Variants in ZFAND6 observed in about 807,000 individuals in gnomAD.
ZFAND6 encodes the protein zinc finger AN1-type containing 6.
In ZFAND6, 12 loss-of-function variants were observed where a neutral mutation model predicts 24.5. The ratio of observed to expected loss-of-function variants is 0.49; its 90% CI spans 0.31 to 0.79. ZFAND6 has a LOEUF of 0.79. Among genes scored for constraint, ZFAND6 ranks in the 30% least tolerant of loss-of-function variants. The probability of loss-of-function intolerance (pLI) is 0.04; values close to 1 mark genes in which losing one functional copy is unlikely to be tolerated. For missense variants in ZFAND6, 207 were observed against 245.9 expected (o/e 0.84, Z 1.06); for synonymous variants, 92 against 81.5 (o/e 1.13, Z -0.69).
intron 1 of ZFAND6, among the ~76,000 whole-genome samples, chr15:80,068,881 A>G (rs1259017049): frequency 6.6e-6 from 1 of 152,254 alleles, no homozygotes; most frequent in Non-Finnish European, 1.5e-5. Flanking sequence ...GACTATATCC[A>G]TTTTATTTAC....
intron 1 of ZFAND6, among the ~76,000 whole-genome samples, chr15:80,065,536 G>GTTTTTTTTTT (rs1341209807): frequency 1.3e-4 from 11 of 84,962 alleles, no homozygotes; most frequent in Non-Finnish European, 1.9e-4. Context: ...TTTTGGTTTT[G>GTTTTTTTTTT]ATTTTTTTTT....
rs1016533326 is a variant in ZFAND6 at position 80,135,981 on chromosome 15, C to T, written c.479-1499C>T. Among the ~76,000 whole-genome samples, 4 of 152,060 alleles carry T rather than the reference C, an allele frequency of 2.6e-5. No individual in the cohort carries two copies. The East Asian group carries it at 7.7e-4, about 29-fold the overall frequency. On this transcript the variant is annotated intron_variant, in intron 6 of 6. Coordinates refer to ENST00000261749, the MANE Select transcript of ZFAND6 (RefSeq NM_019006.4). ...TGTACAAAAAAATTTTTAAAATTAG[C>T]TGATCATGATGGCATGTGCCTGTAG...
intron 1 of ZFAND6, among the ~76,000 whole-genome samples, chr15:80,065,580 C>G (rs1356079265): frequency 5.6e-5 from 6 of 107,630 alleles, no homozygotes; most frequent in South Asian, 3.3e-4. Flanking sequence ...GAGTCTTACT[C>G]TGTTGCCCAG....
intron 2 of ZFAND6, among the ~76,000 whole-genome samples, chr15:80,100,513 A>G (rs572852219): frequency 2.3e-3 from 348 of 152,294 alleles, no homozygotes; most frequent in African/African-American, 8.1e-3. Flanking sequence ...GTTCTGTTCT[A>G]TATTACTCTT....
At chr15:80,074,877 C>CTAAGACAATCA (rs1167767514) in intron 1 of ZFAND6, among the ~76,000 whole-genome samples, 1 of 151,980 alleles carries the variant, frequency 6.6e-6, no homozygotes, top group Non-Finnish European at 1.5e-5. Flanking sequence ...AAAGACAATT[C>CTAAGACAATCA]TAAGACAATC....
intron 1 of ZFAND6, among the ~76,000 whole-genome samples, chr15:80,084,574 G>A (rs1164343038): frequency 6.6e-6 from 1 of 152,194 alleles, no homozygotes; most frequent in Non-Finnish European, 1.5e-5. Context: ...TTTACGTGGG[G>A]GCAGTGTGTC....
At chr15:80,121,197 G>T (rs1440673403) in intron 3 of ZFAND6, among the ~76,000 whole-genome samples, 3 of 152,114 alleles carry the variant, frequency 2.0e-5, no homozygotes, top group African/African-American at 7.2e-5. Flanking sequence ...ATTTAATATT[G>T]TGTGTGAGAT....
At chr15:80,132,098 T>G (rs939674598) in intron 6 of ZFAND6, among the ~76,000 whole-genome samples, 1 of 152,126 alleles carries the variant, frequency 6.6e-6, no homozygotes, top group Non-Finnish European at 1.5e-5. Flanking sequence ...TGTACTGCAG[T>G]CCAACAGGAA....
chr15:80,105,409 TAA>T (rs1454276850), intron 2 of ZFAND6, among the ~76,000 whole-genome samples: 2 of 152,156 alleles, frequency 1.3e-5, no homozygotes, highest in African/African-American at 4.8e-5. Flanking sequence ...TATGGGTAAA[TAA>T]GGAGTCTTGG....
chr15:80,092,589 A>T (rs1284762523), intron 1 of ZFAND6, among the ~76,000 whole-genome samples: 2 of 151,802 alleles, frequency 1.3e-5, no homozygotes, highest in Non-Finnish European at 2.9e-5. Context: ...GAGAGGGGGG[A>T]AAGTTCTTGT....
At chr15:80,078,251 C>T (rs962216272) in intron 1 of ZFAND6, among the ~76,000 whole-genome samples, 1 of 152,150 alleles carries the variant, frequency 6.6e-6, no homozygotes, top group Non-Finnish European at 1.5e-5. Context: ...TTATTGTTCT[C>T]ATCTTTATGT....
chr15:80,106,583 TTG>T (rs2039339233), intron 2 of ZFAND6, among the ~76,000 whole-genome samples: 1 of 147,330 alleles, frequency 6.8e-6, no homozygotes, highest in Non-Finnish European at 1.5e-5. Flanking sequence ...TATGTTAAAT[TTG>T]TTTTTTTTTT....
At chr15:80,068,113 C>T (rs1235065126) in intron 1 of ZFAND6, among the ~76,000 whole-genome samples, 7 of 151,022 alleles carry the variant, frequency 4.6e-5, no homozygotes, top group Non-Finnish European at 8.9e-5. Context: ...AGGCGAGCAC[C>T]ACCGCGCCTG....
At chr15:80,094,476 C>G (rs535589825) in intron 1 of ZFAND6, among the ~76,000 whole-genome samples, 5 of 152,164 alleles carry the variant, frequency 3.3e-5, no homozygotes, top group Non-Finnish European at 7.4e-5. Flanking sequence ...ACCCCTACCC[C>G]CTACCCCAAA....
At chr15:80,088,291 GCA>G (rs2038126388) in intron 1 of ZFAND6, among the ~76,000 whole-genome samples, 1 of 152,124 alleles carries the variant, frequency 6.6e-6, no homozygotes, top group South Asian at 2.1e-4. Context: ...CTTTGGCCGA[GCA>G]CAGTGTGGTT....
chr15:80,104,872 T>C (rs1266726921), intron 2 of ZFAND6, among the ~76,000 whole-genome samples: 2 of 152,214 alleles, frequency 1.3e-5, no homozygotes, highest in East Asian at 1.9e-4. Flanking sequence ...TTGCCTACTT[T>C]TGATATCATA....
chr15:80,135,328 G>A (rs1199726859), intron 6 of ZFAND6, among the ~76,000 whole-genome samples: 1 of 152,114 alleles, frequency 6.6e-6, no homozygotes, highest in African/African-American at 2.4e-5. Flanking sequence ...TGGTTAATAA[G>A]CTATTAATAG....
At chr15:80,090,292 C>T (rs2038277083) in intron 1 of ZFAND6, among the ~76,000 whole-genome samples, 1 of 152,152 alleles carries the variant, frequency 6.6e-6, no homozygotes, top group African/African-American at 2.4e-5. Context: ...TCAGAATCTG[C>T]ATTTCATTCT....
chr15:80,122,406 AGG>A (rs1284138656), intron 4 of ZFAND6, among the ~76,000 whole-genome samples: 1 of 152,020 alleles, frequency 6.6e-6, no homozygotes, highest in African/African-American at 2.4e-5. Context: ...GCTTTGTCTT[AGG>A]GTTCTTTAAG....
Sources: gnomAD v4.1 joint callset for allele counts (sites outside exome capture counted in the v4.1 genomes callset) on GRCh38, gnomAD v4.1.1 for gene constraint, MANE v1.5 for transcripts, NCBI Gene and HGNC (gene_info 2026-07-23, HGNC 2026-07-21) for gene names.